The following LSM14A variants were observed in gnomAD, a reference collection of about 807,000 sequenced individuals.
LSM14A encodes LSM14A mRNA processing body assembly factor, also known as protein LSM14 homolog A.
In LSM14A, 14 loss-of-function variants were observed where a neutral mutation model predicts 52.4. The ratio of observed to expected loss-of-function variants is 0.27; its 90% CI spans 0.18 to 0.42. The LOEUF (loss-of-function observed/expected upper bound fraction) is 0.42. Ranked by LOEUF, LSM14A falls within the 10% of genes least tolerant of loss-of-function variation. LSM14A has a pLI of 1.00. For missense variants in LSM14A, 417 were observed against 581.8 expected (o/e 0.72, Z 2.91); for synonymous variants, 185 against 200.3 (o/e 0.92, Z 0.64).
intron 4 of LSM14A, among the ~76,000 whole-genome samples, chr19:34,214,326 T>TTATG (rs1294939450): frequency 1.3e-5 from 2 of 149,574 alleles, no homozygotes; most frequent in Non-Finnish European, 2.9e-5. Context: ...ATTTATTTAT[T>TTATG]TATGAGACAG....
rs534687328 is a variant in LSM14A at position 34,201,632 on chromosome 19, T to C, written c.415+4869T>C. 3.3e-5 allele frequency among the ~76,000 whole-genome samples: 5 copies of C among 152,276 alleles called. No individual in the cohort carries two copies. In the South Asian group the frequency reaches 8.3e-4, roughly 25 times the overall value. On this transcript the variant is annotated intron_variant, in intron 3 of 9. Transcript: ENST00000544216. ...CTGGGATTACAGGCGTGAGCCACCATGCCCAGCCAAATTTAGCTTTTGTTG... is the reference window on the plus strand; with the variant it reads ...CTGGGATTACAGGCGTGAGCCACCACGCCCAGCCAAATTTAGCTTTTGTTG...
At chr19:34,210,014 G>A (rs1182876302) in intron 4 of LSM14A, among the ~76,000 whole-genome samples, 3 of 151,872 alleles carry the variant, frequency 2.0e-5, no homozygotes, top group South Asian at 2.1e-4. Context: ...CACCATGCTC[G>A]GCTTTTCCTT....
chr19:34,191,935 G>GA (rs999163830), intron 1 of LSM14A, among the ~76,000 whole-genome samples: 111 of 152,286 alleles, frequency 7.3e-4, no homozygotes, highest in African/African-American at 2.6e-3. Flanking sequence ...GGCCATCAGA[G>GA]AAAGGGAGCT....
intron 9 of LSM14A, among the ~76,000 whole-genome samples, chr19:34,223,502 T>G (rs2145897490): frequency 6.6e-6 from 1 of 152,362 alleles, no homozygotes. Context: ...CTTCCTTCTC[T>G]CCTGTCATCT....
Position 34,209,036 on chromosome 19 carries a change from A to G in LSM14A, c.523A>G (p.Thr175Ala), listed in dbSNP as rs1181426658. 6.3e-7 allele frequency: 1 copy of G among 1,580,810 alleles called. No homozygotes were observed. The highest frequency in any genetic ancestry group is 1.2e-5 in the South Asian group (1 of 83,952). ...AFTQDTRSLKTQLSQGRSSPQ... is the reference protein window; with the variant it reads ...AFTQDTRSLKAQLSQGRSSPQ... ...TACACAGGATACAAGATCTCTAAAA[A>G]CACAGTTATCTCAAGGTAAGCTATC... The change falls in exon 4 of 10, where the codon ACA (threonine) becomes GCA (alanine). Residue 175 changes from threonine to alanine, a missense_variant. Physicochemically the swap from Thr to Ala is moderately conservative, Grantham distance 58. This residue lies in a region of LSM14A where 357 missense variants were observed against 457.0 expected (regional missense o/e 0.78). Coordinates refer to ENST00000544216, the MANE Select transcript of LSM14A (RefSeq NM_015578.4).
Position 34,227,443 on chromosome 19 carries a change from C to A in LSM14A, c.*55C>A. On this transcript the variant is annotated 3_prime_UTR_variant, in exon 10 of 10. Coordinates refer to ENST00000544216, the MANE Select transcript of LSM14A (RefSeq NM_015578.4). ...ATTTCTAGCTCTTCATGGTCCTGAA[C>A]ATTGATTTCAGTCTTTGCAAAGAAT... is the stretch of plus-strand genomic sequence containing the variant. The A allele has an allele frequency of 7.6e-7, 1 of 1,315,624 alleles. No individual in the cohort carries two copies. Among genetic ancestry groups the A allele is most frequent in the Non-Finnish European group, 1.1e-6 (1 of 946,986 alleles). The allele number at this position is 1,315,624 out of a possible 1,614,324, so 81.5% of individuals were successfully genotyped here. A position where few individuals can be genotyped will look rare whatever the true frequency, so the allele number is the denominator to read the frequency against.
intron 1 of LSM14A, among the ~76,000 whole-genome samples, chr19:34,190,474 A>T (rs767500102): frequency 6.6e-6 from 1 of 152,020 alleles, no homozygotes; most frequent in Non-Finnish European, 1.5e-5. Context: ...CAAGACCCAT[A>T]GTAGAATTTA....
Position 34,215,188 on chromosome 19 carries a change from C to T in LSM14A, c.603C>T (p.Thr201=), listed in dbSNP as rs1047641355. Residue 201 remains threonine, a synonymous_variant, in exon 5 of 10, where the codon ACC becomes ACT. Transcript: ENST00000544216. ...CAACCATGGAACAAGCAGTGCAGACCGCCTCAGCCCACTTACCTGCTCCAG... is the reference window on the plus strand; with the variant it reads ...CAACCATGGAACAAGCAGTGCAGACTGCCTCAGCCCACTTACCTGCTCCAG... ...KSPTMEQAVQ[T]ASAHLPAPAA... is the part of the protein sequence containing the mutation. 9 of 1,614,066 alleles carry T rather than the reference C, an allele frequency of 5.6e-6. No homozygotes were observed. The highest frequency in any genetic ancestry group is 1.7e-5 in the Admixed American group (1 of 59,998).
At chr19:34,225,412 T>C (rs777579406) in intron 9 of LSM14A, among the ~76,000 whole-genome samples, 3 of 152,216 alleles carry the variant, frequency 2.0e-5, no homozygotes, top group Non-Finnish European at 4.4e-5. Context: ...CCACTGAAGA[T>C]TAAACTTGTA....
intron 4 of LSM14A, among the ~76,000 whole-genome samples, chr19:34,210,858 C>T (rs575171320): frequency 2.2e-4 from 34 of 151,908 alleles, no homozygotes; most frequent in Non-Finnish European, 4.4e-4. Context: ...AGGCATGAGC[C>T]ACAGTGCCCG....
chr19:34,173,595 C>T (rs1014941949), intron 1 of LSM14A, among the ~76,000 whole-genome samples: 3 of 152,184 alleles, frequency 2.0e-5, no homozygotes, highest in Non-Finnish European at 4.4e-5. Flanking sequence ...TTTGGCATCC[C>T]TAGAGTCTGT....
intron 1 of LSM14A, among the ~76,000 whole-genome samples, chr19:34,194,015 TAAA>T: frequency 6.6e-6 from 1 of 151,918 alleles, no homozygotes; most frequent in South Asian, 2.1e-4. Context: ...TACTAAAAAA[TAAA>T]AAAAGTTAGC....
At chr19:34,206,833 A>T (rs2071738048) in intron 3 of LSM14A, among the ~76,000 whole-genome samples, 2 of 152,214 alleles carry the variant, frequency 1.3e-5, no homozygotes, top group Non-Finnish European at 2.9e-5. Context: ...TGTTTATTAG[A>T]TGTAGAAGCC....
intron 1 of LSM14A, among the ~76,000 whole-genome samples, chr19:34,193,738 T>G (rs2070638975): frequency 6.6e-6 from 1 of 152,200 alleles, no homozygotes; most frequent in Admixed American, 6.5e-5. Flanking sequence ...TATTAATACC[T>G]TCATTGCTCT....
intron 9 of LSM14A, chr19:34,226,454 C>T: frequency 6.8e-7 from 1 of 1,479,482 alleles, no homozygotes. Flanking sequence ...GATCGTACTG[C>T]TTTCTGAAAG....
intron 4 of LSM14A, among the ~76,000 whole-genome samples, chr19:34,214,516 C>A (rs2072430031): frequency 6.6e-6 from 1 of 152,000 alleles, no homozygotes; most frequent in South Asian, 2.1e-4. Flanking sequence ...GCCATGTTGC[C>A]TAGGCTGGTC....
intron 3 of LSM14A, among the ~76,000 whole-genome samples, chr19:34,205,487 C>CA (rs140536208): frequency 0.017 from 1,628 of 95,040 alleles, 55 homozygotes; most frequent in East Asian, 0.054. Context: ...CTCCATCTCA[C>CA]AAAAAAAAAA....
intron 6 of LSM14A, among the ~76,000 whole-genome samples, chr19:34,216,742 G>T (rs1325267558): frequency 2.0e-5 from 3 of 152,164 alleles, no homozygotes. Flanking sequence ...ATAGGCGTGA[G>T]CCACCGCACC....
At chr19:34,222,722 A>T (rs1275041761) in intron 9 of LSM14A, among the ~76,000 whole-genome samples, 1 of 152,202 alleles carries the variant, frequency 6.6e-6, no homozygotes, top group Admixed American at 6.5e-5. Flanking sequence ...GTGCCATCAC[A>T]GCCAAGACTG....
Sources: allele counts gnomAD v4.1 joint callset (sites outside exome capture counted in the v4.1 genomes callset), GRCh38; gene constraint gnomAD v4.1.1; regional missense constraint gnomAD v4.1.1; transcripts MANE v1.5; gene names NCBI Gene and HGNC (gene_info 2026-07-23, HGNC 2026-07-21).